Variants in UNC13C observed in about 807,000 individuals in gnomAD.
UNC13C encodes protein unc-13 homolog C.
A neutral mutation model predicts 245.4 loss-of-function variants in UNC13C; 174 were observed. That is an observed-to-expected ratio of 0.71 (90% CI 0.63 to 0.80). The LOEUF is 0.80. Among genes scored for constraint, UNC13C ranks in the 30% least tolerant of loss-of-function variants. UNC13C has a pLI of 0.00. For missense variants in UNC13C, 2,829 were observed against 2,602.9 expected, an observed-to-expected ratio of 1.09 and a Z score of -1.89; for synonymous variants, 992 against 895.1, an observed-to-expected ratio of 1.11 and a Z score of -1.93.
rs1228203378 is a variant in UNC13C, at chr15:54,627,221, C to CATG, written c.*109_*111dup. The CATG allele has an allele frequency of 8.7e-7, 1 of 1,144,824 alleles. No individual in the cohort carries two copies. The highest frequency in any genetic ancestry group is 1.2e-6 in the Non-Finnish European group (1 of 829,396). The allele number at this position is 1,144,824 out of a possible 1,614,324, so 70.9% of individuals were successfully genotyped here. ...CTACATTTCAATGTTTGCCAGTACT[C>CATG]ATGTACGATGTCTACAAGGTATGTA... is the stretch of plus-strand genomic sequence containing the variant. On this transcript the variant is annotated 3_prime_UTR_variant, in exon 33 of 33. Coordinates refer to ENST00000260323, the MANE Select transcript of UNC13C (RefSeq NM_001080534.3).
At chr15:54,181,698 T>C (rs949297200) in intron 4 of UNC13C, among the ~76,000 whole-genome samples, 2 of 152,140 alleles carry the variant, frequency 1.3e-5, no homozygotes, top group Non-Finnish European at 2.9e-5. Context: ...GTTTTCCCAT[T>C]TGTTTGTTTC....
At position 54,589,660 on chromosome 15, in the gene UNC13C, AT is replaced by A. The variant is rs199820666; in HGVS notation, c.6106+21723del. On this transcript the variant is annotated intron_variant, in intron 30 of 32. Coordinates refer to ENST00000260323, the MANE Select transcript of UNC13C (RefSeq NM_001080534.3). ...TGTCTTTAGCCCACTTTTTCATCAGATTTTTTTTTTCTTACTGATTTGAGTT... is the reference window on the plus strand; with the variant it reads ...TGTCTTTAGCCCACTTTTTCATCAGATTTTTTTTTCTTACTGATTTGAGTT... Among the ~76,000 whole-genome samples the A allele has an allele frequency of 3.9e-4, 58 of 148,792 alleles. 1 individual carries two copies. The highest frequency in any genetic ancestry group is 6.3e-4 in the Non-Finnish European group (42 of 67,030).
At chr15:54,534,434 T>C (rs1040699059) in intron 26 of UNC13C, among the ~76,000 whole-genome samples, 3 of 152,030 alleles carry the variant, frequency 2.0e-5, no homozygotes, top group Non-Finnish European at 2.9e-5. Context: ...AAAAACACTA[T>C]TCGAACAACA....
At chr15:54,250,521 A>G (rs1366988637) in intron 8 of UNC13C, 77 bp downstream of exon 8, 37 of 1,353,446 alleles carry the variant, frequency 2.7e-5, no homozygotes, top group Non-Finnish European at 3.7e-5. Flanking sequence ...GATCACTTCA[A>G]CTCTTGCTGG....
intron 30 of UNC13C, among the ~76,000 whole-genome samples, chr15:54,616,362 C>A (rs997985569): frequency 3.3e-5 from 5 of 151,288 alleles, no homozygotes; most frequent in African/African-American, 1.2e-4. Flanking sequence ...AACAGTGGTC[C>A]CATAAGATTA....
intron 2 of UNC13C, among the ~76,000 whole-genome samples, chr15:54,047,063 G>A (rs1049682095): frequency 2.0e-5 from 3 of 151,874 alleles, no homozygotes; most frequent in South Asian, 4.1e-4. Context: ...TTTCTAAGCG[G>A]TATTTATTTT....
At chr15:54,176,942 A>G (rs1204306613) in intron 4 of UNC13C, among the ~76,000 whole-genome samples, 2 of 152,114 alleles carry the variant, frequency 1.3e-5, no homozygotes, top group African/African-American at 4.8e-5. Flanking sequence ...ATTCTTTATC[A>G]TGGGAACACC....
chr15:54,023,556 C>T (rs1463396818), intron 2 of UNC13C, among the ~76,000 whole-genome samples: 2 of 151,992 alleles, frequency 1.3e-5, no homozygotes, highest in African/African-American at 4.8e-5. Flanking sequence ...AAGTTAAGTG[C>T]CAATAAGATT....
chr15:53,924,544 A>G, the UNC13C span, among the ~76,000 whole-genome samples: 9 of 152,206 alleles, frequency 5.9e-5, no homozygotes, highest in Non-Finnish European at 4.4e-5. Flanking sequence ...GGTGCACTGT[A>G]TTTTTAGCCT....
chr15:54,311,650 T>C (rs2037875997), intron 13 of UNC13C, among the ~76,000 whole-genome samples: 1 of 151,760 alleles, frequency 6.6e-6, no homozygotes, highest in Non-Finnish European at 1.5e-5. Context: ...TGATATATTT[T>C]ACTAAGTAAT....
chr15:54,338,913 C>A (rs1162292186), intron 17 of UNC13C, among the ~76,000 whole-genome samples: 1 of 152,204 alleles, frequency 6.6e-6, no homozygotes, highest in Admixed American at 6.5e-5. Flanking sequence ...GTTGCCCAGG[C>A]TGGAGTGCAG....
chr15:54,556,212 A>G (rs775416515), intron 29 of UNC13C, among the ~76,000 whole-genome samples: 12 of 152,176 alleles, frequency 7.9e-5, no homozygotes, highest in African/African-American at 7.2e-5. Context: ...ATGATGTCCA[A>G]AGTTTTTACT....
At chr15:54,102,452 T>C (rs986673741) in intron 2 of UNC13C, among the ~76,000 whole-genome samples, 5 of 152,198 alleles carry the variant, frequency 3.3e-5, no homozygotes, top group Admixed American at 1.3e-4. Context: ...CTTGTGTATG[T>C]CACACTCTGG....
intron 8 of UNC13C, among the ~76,000 whole-genome samples, chr15:54,257,802 G>A (rs562967331): frequency 1.2e-3 from 190 of 152,294 alleles, no homozygotes; most frequent in African/African-American, 4.4e-3. Context: ...TGAAGACTGG[G>A]GGAGTTGCAG....
the UNC13C span, among the ~76,000 whole-genome samples, chr15:53,958,015 A>T: frequency 3.3e-5 from 5 of 152,046 alleles, no homozygotes; most frequent in African/African-American, 1.2e-4. Flanking sequence ...GTGGAGATTG[A>T]GATAATTTTG....
intron 22 of UNC13C, among the ~76,000 whole-genome samples, chr15:54,505,082 G>A (rs1055042698): frequency 6.6e-6 from 1 of 152,042 alleles, no homozygotes; most frequent in East Asian, 1.9e-4. Context: ...TTGAATAGCA[G>A]CTCTTTATAG....
intron 19 of UNC13C, among the ~76,000 whole-genome samples, chr15:54,474,564 A>C (rs1203025850): frequency 6.6e-6 from 1 of 151,646 alleles, no homozygotes; most frequent in East Asian, 1.9e-4. Flanking sequence ...TACTTGTTTG[A>C]GTTCTTGTAT....
chr15:54,136,845 CTT>C (rs71132781), intron 2 of UNC13C, among the ~76,000 whole-genome samples: 120 of 148,250 alleles, frequency 8.1e-4, no homozygotes, highest in Non-Finnish European at 8.2e-4. Flanking sequence ...TTGTGTATCA[CTT>C]TTTTTTTTTT....
chr15:53,842,900 T>TTATATATATATATA, the UNC13C span, among the ~76,000 whole-genome samples: 2 of 145,942 alleles, frequency 1.4e-5, no homozygotes, highest in Admixed American at 6.9e-5. Context: ...ATTTTAAGTT[T>TTATATATATATATA]TATATATATA....
Sources: allele counts gnomAD v4.1 joint callset (sites outside exome capture counted in the v4.1 genomes callset), GRCh38; gene constraint gnomAD v4.1.1; transcripts MANE v1.5; gene names NCBI Gene and HGNC (gene_info 2026-07-23, HGNC 2026-07-21).